Variants in KCNQ5 observed in about 807,000 individuals in gnomAD.
The protein encoded by KCNQ5 is potassium voltage-gated channel subfamily Q member 5.
Under a neutral mutation model 98.2 loss-of-function variants are expected in KCNQ5, and 30 were observed. That is an observed-to-expected ratio of 0.31 (90% CI 0.23 to 0.41). The LOEUF is 0.41. Among genes scored for constraint, KCNQ5 ranks in the 10% least tolerant of loss-of-function variants. The pLI is 1.00. For synonymous variants in KCNQ5, 458 were observed against 449.4 expected (o/e 1.02, Z -0.24); for missense variants, 835 against 1,182.5 (o/e 0.71, Z 4.31).
At chr6:72,836,778 G>A (rs1474081232) in intron 1 of KCNQ5, among the ~76,000 whole-genome samples, 1 of 152,120 alleles carries the variant, frequency 6.6e-6, no homozygotes, top group African/African-American at 2.4e-5. Context: ...TCTATACAAG[G>A]TAATTTATTG....
intron 1 of KCNQ5, chr6:72,806,956 C>T: frequency 3.1e-6 from 1 of 321,150 alleles, no homozygotes. Flanking sequence ...TTATAAGCAG[C>T]CTTTGTCTCT....
In KCNQ5 at chr6:73,058,178, C is replaced by T. The variant is rs139259345; in HGVS notation, c.616+16116C>T. Among the ~76,000 whole-genome samples the T allele has an allele frequency of 5.4e-3, 818 of 152,220 alleles. 6 individuals are homozygous for T. Among genetic ancestry groups the T allele is most frequent in the African/African-American group, 0.018 (760 of 41,540 alleles). On this transcript the variant is annotated intron_variant, in intron 3 of 13. Coordinates refer to ENST00000370398, the MANE Select transcript of KCNQ5 (RefSeq NM_019842.4). ...CTGTAATTCCAGCACTTTGGGAGGCCGAGGCAGGCGGATCACGAGGTCAGG... is the reference window on the plus strand; with the variant it reads ...CTGTAATTCCAGCACTTTGGGAGGCTGAGGCAGGCGGATCACGAGGTCAGG...
intron 1 of KCNQ5, among the ~76,000 whole-genome samples, chr6:72,843,613 G>A (rs1325079626): frequency 6.6e-6 from 1 of 152,174 alleles, no homozygotes; most frequent in Non-Finnish European, 1.5e-5. Flanking sequence ...TCCTATCCAT[G>A]AGCATGGTAG....
intron 1 of KCNQ5, among the ~76,000 whole-genome samples, chr6:72,833,421 A>G (rs1221182150): frequency 1.3e-5 from 2 of 152,196 alleles, no homozygotes; most frequent in East Asian, 1.9e-4. Context: ...ATATTTTATC[A>G]TATTGTATAC....
chr6:72,622,431 G>A lies in KCNQ5; in HGVS notation c.242G>A (p.Gly81Asp). ...GGTGGCCTGAGGGAGAGCCGCCGGG[G>A]CAAGCAGGGGGCCCGGATGAGCCTG... is the stretch of plus-strand genomic sequence containing the variant. ...GGGGLRESRR[G>D]KQGARMSLLG... is the part of the protein sequence containing the mutation. The change falls in exon 1 of 14, where the codon GGC becomes GAC. Residue 81 changes from glycine (G) to aspartate (D), a missense_variant. This residue lies in a region of KCNQ5 where 54 missense variants were observed against 51.5 expected (regional missense o/e 1.05). Transcript: ENST00000370398. This position sits in a 1 kb window ranked among gnomAD's most constrained non-coding sequence, Gnocchi z 6.0. 1 of 1,549,016 alleles carries A rather than the reference G, an allele frequency of 6.5e-7. No homozygotes were observed. The highest frequency in any genetic ancestry group is 8.7e-7 in the Non-Finnish European group (1 of 1,147,262).
intron 1 of KCNQ5, among the ~76,000 whole-genome samples, chr6:73,000,677 GC>G (rs1344916279): frequency 6.6e-6 from 1 of 152,038 alleles, no homozygotes; most frequent in African/African-American, 2.4e-5. Context: ...CCAATTTACA[GC>G]ATCCCTTCAG....
At chr6:72,669,910 C>CTTTTTTTTTTTTTTTT (rs541665177) in intron 1 of KCNQ5, among the ~76,000 whole-genome samples, 1 of 134,998 alleles carries the variant, frequency 7.4e-6, no homozygotes, top group Non-Finnish European at 1.6e-5. Flanking sequence ...ACTTTCTTTC[C>CTTTTTTTTTTTTTTTT]TTTTTTTTTT....
At chr6:72,627,475 C>T (rs1409883876) in intron 1 of KCNQ5, among the ~76,000 whole-genome samples, 2 of 152,160 alleles carry the variant, frequency 1.3e-5, no homozygotes, top group African/African-American at 2.4e-5. Context: ...AGGTTATGGC[C>T]AGCAGTTTCC....
At chr6:72,784,575 A>C (rs1295871708) in intron 1 of KCNQ5, among the ~76,000 whole-genome samples, 1 of 152,198 alleles carries the variant, frequency 6.6e-6, no homozygotes, top group Non-Finnish European at 1.5e-5. Context: ...TCAGGCCTCC[A>C]CAGGGTCTTG....
chr6:72,676,562 G>A (rs1767417184), intron 1 of KCNQ5, among the ~76,000 whole-genome samples: 1 of 152,076 alleles, frequency 6.6e-6, no homozygotes, highest in Non-Finnish European at 1.5e-5. Context: ...ATTTCTGTAT[G>A]GAAATGTTAG....
chr6:72,653,665 A>G (rs1223921996), intron 1 of KCNQ5, among the ~76,000 whole-genome samples: 1 of 152,076 alleles, frequency 6.6e-6, no homozygotes, highest in Non-Finnish European at 1.5e-5. Context: ...ATGTTGTTAA[A>G]TGTGGATATA....
At chr6:72,818,641 T>C (rs4582343) in intron 1 of KCNQ5, among the ~76,000 whole-genome samples, 28,676 of 151,380 alleles carry the variant, frequency 0.19, 3,164 homozygotes, top group South Asian at 0.37. Flanking sequence ...TTACAGCATA[T>C]GAGTTATTTT....
At chr6:72,963,446 T>G (rs1239002577) in intron 1 of KCNQ5, among the ~76,000 whole-genome samples, 1 of 152,210 alleles carries the variant, frequency 6.6e-6, no homozygotes, top group Non-Finnish European at 1.5e-5. Flanking sequence ...TTATTTTAAT[T>G]TATGACTATT....
intron 1 of KCNQ5, among the ~76,000 whole-genome samples, chr6:72,756,332 G>A (rs1180498881): frequency 1.3e-5 from 2 of 152,108 alleles, no homozygotes; most frequent in South Asian, 2.1e-4. Flanking sequence ...CAGGAACAAC[G>A]TTCTCTTGTA....
intron 1 of KCNQ5, among the ~76,000 whole-genome samples, chr6:72,792,905 A>T (rs758271649): frequency 6.6e-6 from 1 of 152,216 alleles, no homozygotes; most frequent in Non-Finnish European, 1.5e-5. Flanking sequence ...TGGGTTGCAA[A>T]TATTTTAAAG....
chr6:72,830,842 A>G (rs1271261480), intron 1 of KCNQ5, among the ~76,000 whole-genome samples: 2 of 152,306 alleles, frequency 1.3e-5, no homozygotes, highest in South Asian at 4.1e-4. Flanking sequence ...TCATCTGACA[A>G]AGGGCTAATA....
chr6:72,972,260 T>A (rs1767939707), intron 1 of KCNQ5, among the ~76,000 whole-genome samples: 1 of 152,212 alleles, frequency 6.6e-6, no homozygotes, highest in African/African-American at 2.4e-5. Flanking sequence ...GACAGTCTTG[T>A]AAAGACTTGC....
At chr6:72,945,585 G>A (rs1766505155) in intron 1 of KCNQ5, among the ~76,000 whole-genome samples, 1 of 151,810 alleles carries the variant, frequency 6.6e-6, no homozygotes, top group East Asian at 1.9e-4. Flanking sequence ...CTTCTGAGTA[G>A]CTGGGACTAC....
At chr6:73,043,973 T>C (rs1582247046) in intron 3 of KCNQ5, among the ~76,000 whole-genome samples, 1 of 152,306 alleles carries the variant, frequency 6.6e-6, no homozygotes, top group Admixed American at 6.5e-5. Flanking sequence ...CCTTTGGATG[T>C]ATCAATAGTG....
Sources: gnomAD v4.1 joint callset for allele counts (sites outside exome capture counted in the v4.1 genomes callset) on GRCh38, gnomAD v4.1.1 for gene constraint, gnomAD v4.1.1 regional missense constraint, Gnocchi (gnomAD v3.1) non-coding constraint, MANE v1.5 for transcripts, NCBI Gene and HGNC (gene_info 2026-07-23, HGNC 2026-07-21) for gene names.